CCNL2: variants seen among roughly 807,000 people sequenced by gnomAD.
CCNL2 encodes the protein cyclin-L2.
CCNL2 carries 28 observed loss-of-function variants against 59.1 expected under a neutral mutation model. The observed-to-expected ratio is 0.47, with a 90% CI of 0.35 to 0.65. The LOEUF is 0.65. Among genes scored for constraint, CCNL2 ranks in the 30% least tolerant of loss-of-function variants. The pLI, the probability that CCNL2 is intolerant of heterozygous loss-of-function variation, is 0.00. For missense variants in CCNL2, 714 were observed against 717.4 expected, an observed-to-expected ratio of 1.00 and a Z score of 0.05; for synonymous variants, 342 against 288.6, an observed-to-expected ratio of 1.19 and a Z score of -1.88.
Position 1,393,421 on chromosome 1 carries a change from T to A in CCNL2, c.634A>T (p.Asn212Tyr). The A allele has an allele frequency of 6.2e-7, 1 of 1,614,154 alleles. No individual in the cohort carries two copies. Among genetic ancestry groups the A allele is most frequent in the Non-Finnish European group, 8.5e-7 (1 of 1,179,998 alleles). ...MYLQVLECERNQHLVQTSWNY... is the reference protein window; with the variant it reads ...MYLQVLECERYQHLVQTSWNY... ...CATGAGGTCTGGACCAGGTGTTGGT[T>A]ACGCTCACACTCTAACACCTGAAGG... Residue 212 changes from asparagine (N) to tyrosine (Y), a missense_variant, in exon 5 of 11, where the codon AAC (asparagine) becomes TAC (tyrosine). By Grantham distance (143) the Asn-to-Tyr change is moderately radical (BLOSUM62 -2). This residue lies in a region of CCNL2 where 19 missense variants were observed against 20.1 expected (regional missense o/e 0.94). Coordinates refer to ENST00000400809, the MANE Select transcript of CCNL2 (RefSeq NM_030937.6).
chr1:1,393,870 T>G (rs915843627), intron 4 of CCNL2, among the ~76,000 whole-genome samples: 1 of 152,192 alleles, frequency 6.6e-6, no homozygotes, highest in African/African-American at 2.4e-5. Context: ...CTCATGCCTA[T>G]AATCCCAGCA....
At chr1:1,387,692 G>T in intron 10 of CCNL2, 85 bp downstream of exon 10, 1 of 1,450,640 alleles carries the variant, frequency 6.9e-7, no homozygotes, top group Non-Finnish European at 9.4e-7. Context: ...AGAGAAACAA[G>T]AAACCACCTC....
At chr1:1,391,574 G>T (rs1232114637) in intron 5 of CCNL2, 4 of 1,304,710 alleles carry the variant, frequency 3.1e-6, no homozygotes, top group Non-Finnish European at 4.0e-6. Flanking sequence ...TCAACAAGGG[G>T]TCTTAAAATG....
chr1:1,399,024 G>C lies in CCNL2; in HGVS notation c.283C>G (p.Pro95Ala). Residue 95 changes from proline (P) to alanine (A), a missense_variant, in exon 1 of 11, where the codon CCG becomes GCG. Pro to Ala is a conservative substitution (Grantham distance 27, BLOSUM62 -1). Around this residue, in one of 5 missense-constraint regions of CCNL2, gnomAD observed 270 missense variants for 254.9 expected, o/e 1.06. Coordinates refer to ENST00000400809, the MANE Select transcript of CCNL2 (RefSeq NM_030937.6). ...GCTCGCGGCCGCGCCCTCACCTGCG[G>C]CAGGCGGAGCAGGATACCGGCCGCC... ...IQAAGILLRL[P>A]QVAMATGQVL... 1 of 1,566,684 alleles carries C rather than the reference G, an allele frequency of 6.4e-7. No individual in the cohort carries two copies. Among genetic ancestry groups the C allele is most frequent in the Non-Finnish European group, 8.6e-7 (1 of 1,162,276 alleles).
chr1:1,396,791 C>T (rs982077927), intron 3 of CCNL2, among the ~76,000 whole-genome samples: 6 of 151,398 alleles, frequency 4.0e-5, no homozygotes, highest in Admixed American at 3.3e-4. Flanking sequence ...CTCTGTCGCC[C>T]AGGCTGGAGT....
intron 1 of CCNL2, 35 bp downstream of exon 1, chr1:1,398,984 T>A: frequency 4.5e-6 from 7 of 1,561,128 alleles, no homozygotes; most frequent in Non-Finnish European, 6.1e-6. Flanking sequence ...GCCCCAGCGG[T>A]TACCTGGGCC....
At position 1,398,565 on chromosome 1, in the gene CCNL2, C is replaced by T. The variant is rs753598637; in HGVS notation, c.363+32G>A. On this transcript the variant is annotated intron_variant, in intron 2 of 10. Transcript: ENST00000400809. ...AAACCGTTTTACCCTCAACATACTTCGCTGGGAATGAAGTGCAGGAGGAAG... is the reference window on the plus strand; with the variant it reads ...AAACCGTTTTACCCTCAACATACTTTGCTGGGAATGAAGTGCAGGAGGAAG... 6 of 1,606,662 alleles carry T rather than the reference C, an allele frequency of 3.7e-6. No homozygotes were observed. In the Admixed American group the frequency reaches 5.0e-5, roughly 13 times the overall value.
chr1:1,396,933 T>TGG (rs902765075), intron 3 of CCNL2, among the ~76,000 whole-genome samples: 7 of 151,732 alleles, frequency 4.6e-5, no homozygotes, highest in East Asian at 3.9e-4. Flanking sequence ...GTATTTTTAG[T>TGG]AGACGGGGTT....
Position 1,387,541 on chromosome 1 carries a change from T to C in CCNL2, c.1253A>G (p.Gln418Arg). The C allele has an allele frequency of 6.5e-7, 1 of 1,534,360 alleles. No individual in the cohort carries two copies. Among genetic ancestry groups the C allele is most frequent in the South Asian group, 1.3e-5 (1 of 79,400 alleles). Reference protein sequence around the residue: ...SGSTSGGSKSQSRSRSRSDSP... With the variant: ...SGSTSGGSKSRSRSRSRSDSP... ...GTCACTCCTGCTCCGGGAGCGGCTC[T>C]GCGACTTGGACCCACCAGATGTGGA... The change falls in exon 11 of 11, where the codon CAG becomes CGG. Residue 418 changes from glutamine to arginine, a missense_variant. By Grantham distance (43) the Gln-to-Arg change is conservative. Transcript: ENST00000400809.
intron 8 of CCNL2, among the ~76,000 whole-genome samples, 164 bp downstream of exon 8, chr1:1,390,066 T>G (rs1215914957): frequency 6.8e-6 from 1 of 147,082 alleles, no homozygotes; most frequent in African/African-American, 2.6e-5. Flanking sequence ...TGCAGTGAGC[T>G]GCGATCACAC....
At position 1,390,817 on chromosome 1, in the gene CCNL2, C is replaced by A. The variant is rs547633993; in HGVS notation, c.708G>T (p.Gln236His). The A allele has an allele frequency of 6.2e-7, 1 of 1,614,212 alleles. No homozygotes were observed. Among genetic ancestry groups the A allele is most frequent in the African/African-American group, 1.3e-5 (1 of 75,070 alleles). Residue 236 changes from glutamine (Q) to histidine (H), a missense_variant, in exon 6 of 11, where the codon CAG (glutamine) becomes CAT (histidine). Gln to His is a conservative substitution (Grantham distance 24). Coordinates refer to ENST00000400809, the MANE Select transcript of CCNL2 (RefSeq NM_030937.6). ...SLRTDVFVRF[Q>H]PESIACACIY... ...TGCAGGCACAGGCGATGCTCTCTGG[C>A]TGGAACCGCACGAAGACGTCGGTGC...
chr1:1,394,818 G>C lies in CCNL2; in HGVS notation c.594+576C>G, dbSNP rs569503653. 1.8e-4 allele frequency among the ~76,000 whole-genome samples: 27 copies of C among 151,328 alleles called. No homozygotes were observed. The East Asian group carries it at 4.9e-3, about 27-fold the overall frequency. ...TTATGCCTGTAATCCCAGCACTTTG[G>C]GAGGCCAAGGTGGGAGGATCACGAG... On this transcript the variant is annotated intron_variant, in intron 4 of 10. Coordinates refer to ENST00000400809, the MANE Select transcript of CCNL2 (RefSeq NM_030937.6).
At chr1:1,395,743 G>A (rs944647315) in intron 3 of CCNL2, among the ~76,000 whole-genome samples, 3 of 152,092 alleles carry the variant, frequency 2.0e-5, no homozygotes, top group African/African-American at 4.8e-5. Context: ...TAGATCAACA[G>A]CTTCTGGTGC....
rs1252636408 is a variant in CCNL2 at position 1,391,358 on chromosome 1, G to GTTCCTC, written c.660-499_660-494dup. 4.3e-6 allele frequency: 5 copies of GTTCCTC among 1,170,572 alleles called. No homozygotes were observed. The Admixed American group carries it at 1.4e-4, about 33-fold the overall frequency. The allele number at this position is 1,170,572 out of a possible 1,614,324, so 72.5% of individuals were successfully genotyped here. On this transcript the variant is annotated intron_variant, in intron 5 of 10. Coordinates refer to ENST00000400809, the MANE Select transcript of CCNL2 (RefSeq NM_030937.6). ...GCTGGGAGACAAGCCATCCTCTTGG[G>GTTCCTC]TTCCTCTTCCTCTTCCTCCAGGGCG...
chr1:1,398,810 C>T (rs2100370056), intron 1 of CCNL2, 139 bp from the exon 2 acceptor site: 1 of 1,248,214 alleles, frequency 8.0e-7, no homozygotes, highest in Non-Finnish European at 1.1e-6. Context: ...CTCTTCGCGT[C>T]CCGCCGTCTC....
intron 3 of CCNL2, among the ~76,000 whole-genome samples, chr1:1,397,935 G>C (rs187069648): frequency 8.9e-4 from 135 of 152,316 alleles, no homozygotes; most frequent in Middle Eastern, 3.4e-3. Flanking sequence ...AGAGCACTCA[G>C]AAACTTGTGG....
chr1:1,398,893 C>A, intron 1 of CCNL2, 126 bp downstream of exon 1: 1 of 1,387,290 alleles, frequency 7.2e-7, no homozygotes, highest in East Asian at 2.7e-5. Context: ...GGCGCCGAGG[C>A]TGGGGTCGGG....
At position 1,399,227 on chromosome 1, in the gene CCNL2, C is replaced by G; in HGVS notation, c.80G>C (p.Gly27Ala). The G allele has an allele frequency of 1.9e-6, 3 of 1,596,140 alleles. No homozygotes were observed. The highest frequency in any genetic ancestry group is 2.6e-6 in the Non-Finnish European group (3 of 1,173,034). ...AAAAGAPGSG[G>A]APSGSQGVLI... ...CACCCCCTGCGACCCTGAGGGTGCGCCCCCAGATCCCGGGGCGCCGGCCGC... is the reference window on the plus strand; with the variant it reads ...CACCCCCTGCGACCCTGAGGGTGCGGCCCCAGATCCCGGGGCGCCGGCCGC... Residue 27 changes from glycine to alanine, a missense_variant, in exon 1 of 11, where the codon GGC becomes GCC. Gly to Ala is a moderately conservative substitution (Grantham distance 60). Transcript: ENST00000400809.
intron 1 of CCNL2, 174 bp from the exon 2 acceptor site, chr1:1,398,845 G>A: frequency 7.6e-7 from 1 of 1,322,058 alleles, no homozygotes. Context: ...TGGCGGGCGG[G>A]GAGGCCCCGG....
Sources: gnomAD v4.1 joint callset for allele counts (sites outside exome capture counted in the v4.1 genomes callset) on GRCh38, gnomAD v4.1.1 for gene constraint, gnomAD v4.1.1 regional missense constraint, MANE v1.5 for transcripts, NCBI Gene and HGNC (gene_info 2026-07-23, HGNC 2026-07-21) for gene names.